PAPPA: variants seen among roughly 807,000 people sequenced by gnomAD.
PAPPA encodes the protein pappalysin 1.
Under a neutral mutation model 164.0 loss-of-function variants are expected in PAPPA, and 60 were observed. That is an observed-to-expected ratio of 0.37 (90% confidence interval 0.30 to 0.45). The LOEUF (loss-of-function observed/expected upper bound fraction) is 0.45, where lower values mean the gene tolerates loss of function less well. PAPPA is among the 20% of genes least tolerant of loss of function. PAPPA has a pLI of 1.00. For synonymous variants in PAPPA, 875 were observed against 814.1 expected, an observed-to-expected ratio of 1.07 and a Z score of -1.27; for missense variants, 1,782 against 2,087.3, an observed-to-expected ratio of 0.85 and a Z score of 2.85.
intron 13 of PAPPA, among the ~76,000 whole-genome samples, chr9:116,335,446 G>A (rs772702177): frequency 1.4e-4 from 21 of 152,144 alleles, no homozygotes; most frequent in African/African-American, 3.9e-4. Flanking sequence ...TCTGCTTCCC[G>A]TGGCACAAGC....
intron 7 of PAPPA, among the ~76,000 whole-genome samples, chr9:116,261,948 C>T (rs575074950): frequency 1.6e-4 from 25 of 151,916 alleles, no homozygotes; most frequent in Admixed American, 7.9e-4. Flanking sequence ...CACAGTGGCT[C>T]ATGCCTGTAA....
intron 18 of PAPPA, among the ~76,000 whole-genome samples, 162 bp downstream of exon 18, chr9:116,362,901 G>A (rs1387721873): frequency 6.6e-6 from 1 of 152,198 alleles, no homozygotes; most frequent in Admixed American, 6.5e-5. Context: ...CCCAGAAAGA[G>A]GGTCAGGGAC....
intron 2 of PAPPA, among the ~76,000 whole-genome samples, chr9:116,194,042 A>G (rs1015790266): frequency 1.3e-5 from 2 of 152,176 alleles, no homozygotes; most frequent in African/African-American, 4.8e-5. Context: ...AAGTGGGAAG[A>G]TGTTGAGGAG....
intron 9 of PAPPA, among the ~76,000 whole-genome samples, chr9:116,275,072 T>G (rs1845180879): frequency 6.6e-6 from 1 of 152,208 alleles, no homozygotes; most frequent in South Asian, 2.1e-4. Context: ...GGGCTTGGAA[T>G]TGAGCTTCAG....
chr9:116,297,198 G>T (rs1283743263), intron 9 of PAPPA, among the ~76,000 whole-genome samples: 3 of 152,090 alleles, frequency 2.0e-5, no homozygotes, highest in Non-Finnish European at 2.9e-5. Context: ...CAAAGGAGGG[G>T]CATGGTAAGA....
intron 14 of PAPPA, 151 bp from the exon 15 acceptor site, chr9:116,346,875 G>A: frequency 1.8e-6 from 1 of 565,808 alleles, no homozygotes; most frequent in Non-Finnish European, 3.1e-6. Flanking sequence ...GGAGTTATTG[G>A]GATCATTAAA....
intron 4 of PAPPA, among the ~76,000 whole-genome samples, chr9:116,216,993 G>A (rs916370424): frequency 3.3e-5 from 5 of 152,054 alleles, no homozygotes; most frequent in African/African-American, 2.4e-5. Context: ...GCCCACCTTG[G>A]CCTCCCAAAG....
chr9:116,247,624 GA>G (rs1366948819), intron 7 of PAPPA, among the ~76,000 whole-genome samples: 2 of 152,110 alleles, frequency 1.3e-5, no homozygotes. Context: ...GAAAGAGAAG[GA>G]AAATAACAGC....
Position 116,271,746 on chromosome 9 carries a change from T to G in PAPPA, c.2953+330T>G, listed in dbSNP as rs1221860108. On this transcript the variant is annotated intron_variant, in intron 9 of 21. Transcript: ENST00000328252. This position sits in a 1 kb window ranked among gnomAD's most constrained non-coding sequence, Gnocchi z 4.2. ...TCCAGGATGGGTATTACTGGAGATGTTTTAAGGCTTTTATTCCTACTTCAG... is the reference window on the plus strand; with the variant it reads ...TCCAGGATGGGTATTACTGGAGATGGTTTAAGGCTTTTATTCCTACTTCAG... 5.3e-5 allele frequency among the ~76,000 whole-genome samples: 8 copies of G among 152,178 alleles called. No homozygotes were observed. Among genetic ancestry groups the G allele is most frequent in the Non-Finnish European group, 1.2e-4 (8 of 68,024 alleles).
At chr9:116,241,273 G>T (rs1474826488) in intron 7 of PAPPA, among the ~76,000 whole-genome samples, 2 of 152,148 alleles carry the variant, frequency 1.3e-5, no homozygotes, top group Non-Finnish European at 2.9e-5. Context: ...AATACAGCAA[G>T]AAAAACTTTT....
Position 116,235,390 on chromosome 9 carries a change from G to C in PAPPA, c.2485G>C (p.Gly829Arg). 6 of 1,613,926 alleles carry C rather than the reference G, an allele frequency of 3.7e-6. No homozygotes were observed. The highest frequency in any genetic ancestry group is 5.1e-6 in the Non-Finnish European group (6 of 1,180,006). Residue 829 changes from glycine (G) to arginine (R), a missense_variant, in exon 7 of 22, where the codon GGT becomes CGT. Physicochemically the swap from Gly to Arg is moderately radical, Grantham distance 125. Around this residue, in one of 2 missense-constraint regions of PAPPA, gnomAD observed 1,324 missense variants for 1,656.9 expected, o/e 0.80. Transcript: ENST00000328252. ...LAVSGKNISL[G>R]PQNVFCDVPL... ...TGTCAGTGGGAAGAACATCTCCCTG[G>C]GTCCTCAGAATGTCTTCTGTGATGT... is the stretch of plus-strand genomic sequence containing the variant.
intron 9 of PAPPA, among the ~76,000 whole-genome samples, chr9:116,294,398 C>G (rs1262505197): frequency 6.6e-6 from 1 of 152,116 alleles, no homozygotes; most frequent in Non-Finnish European, 1.5e-5. Context: ...CCCTCACTAC[C>G]CTGTCTTTTG....
chr9:116,226,841 G>A (rs1429791053), intron 5 of PAPPA, among the ~76,000 whole-genome samples: 1 of 152,220 alleles, frequency 6.6e-6, no homozygotes, highest in East Asian at 1.9e-4. Context: ...CAATGAATTA[G>A]ATGGCATGGT....
At chr9:116,225,834 C>T (rs1204219343) in intron 5 of PAPPA, among the ~76,000 whole-genome samples, 1 of 152,098 alleles carries the variant, frequency 6.6e-6, no homozygotes, top group Non-Finnish European at 1.5e-5. Flanking sequence ...TCCATCCATC[C>T]ATCCATCCAT....
intron 19 of PAPPA, among the ~76,000 whole-genome samples, chr9:116,374,271 T>C (rs1588025869): frequency 6.6e-6 from 1 of 152,118 alleles, no homozygotes; most frequent in African/African-American, 2.4e-5. Flanking sequence ...AAAGATAGTC[T>C]ATTCTTCCTA....
chr9:116,351,925 T>A (rs1051638808), intron 15 of PAPPA, among the ~76,000 whole-genome samples: 2 of 152,160 alleles, frequency 1.3e-5, no homozygotes, highest in African/African-American at 4.8e-5. Flanking sequence ...GAAACACAAG[T>A]TTCAGGTCCT....
chr9:116,214,348 C>T (rs1844345416), intron 4 of PAPPA, among the ~76,000 whole-genome samples: 1 of 152,146 alleles, frequency 6.6e-6, no homozygotes, highest in Admixed American at 6.5e-5. Context: ...CTCATTGAAT[C>T]CCCACAGTAG....
intron 12 of PAPPA, 127 bp downstream of exon 12, chr9:116,332,595 A>G (rs1316616246): frequency 8.1e-6 from 7 of 863,864 alleles, no homozygotes; most frequent in Non-Finnish European, 1.2e-5. Context: ...CTTCTTTTCT[A>G]TTTGGCATTC....
At chr9:116,221,632 T>G (rs1844447073) in intron 5 of PAPPA, among the ~76,000 whole-genome samples, 1 of 152,178 alleles carries the variant, frequency 6.6e-6, no homozygotes, top group Non-Finnish European at 1.5e-5. Context: ...GCTCTTGTTT[T>G]GTATTGTGTT....
Sources: allele counts gnomAD v4.1 joint callset (sites outside exome capture counted in the v4.1 genomes callset), GRCh38; gene constraint gnomAD v4.1.1; regional missense constraint gnomAD v4.1.1; non-coding constraint Gnocchi (gnomAD v3.1); transcripts MANE v1.5; gene names NCBI Gene and HGNC (gene_info 2026-07-23, HGNC 2026-07-21).